The following LONRF2 variants were observed in gnomAD, a reference collection of about 807,000 sequenced individuals.
The protein encoded by LONRF2 is LON peptidase N-terminal domain and ring finger 2, also known as LON peptidase N-terminal domain and RING finger protein 2.
LONRF2 carries 35 observed loss-of-function variants against 66.6 expected under a neutral mutation model. That is an observed-to-expected ratio of 0.53 (90% confidence interval 0.40 to 0.70). LONRF2 has a LOEUF of 0.70. Among genes scored for constraint, LONRF2 ranks in the 30% least tolerant of loss-of-function variants. LONRF2 has a pLI of 0.00. For missense variants in LONRF2, 902 were observed against 1,002.1 expected, an observed-to-expected ratio of 0.90 and a Z score of 1.35; for synonymous variants, 417 against 418.1, an observed-to-expected ratio of 1.00 and a Z score of 0.03.
chr2:100,319,857 A>G (rs574610128), intron 1 of LONRF2, among the ~76,000 whole-genome samples: 27 of 152,314 alleles, frequency 1.8e-4, no homozygotes, highest in African/African-American at 6.5e-4. Context: ...ACCTCTTTGA[A>G]ACTATTTGGC....
In LONRF2 at chr2:100,294,254, T is replaced by C. The variant is rs1016636336; in HGVS notation, c.1732A>G (p.Met578Val). ...CMETGTKRFG[M>V]CLSAEHAGLS... Reference sequence around the variant, plus strand: ...CCCGCGTGCTCAGCAGATAAACACATGCCAAACCGCTTGGTGCCAGTTTCC... The same window carrying C: ...CCCGCGTGCTCAGCAGATAAACACACGCCAAACCGCTTGGTGCCAGTTTCC... Residue 578 changes from methionine (M) to valine (V), a missense_variant, in exon 9 of 12, where the codon ATG becomes GTG. By Grantham distance (21) the Met-to-Val change is conservative. Coordinates refer to ENST00000393437, the MANE Select transcript of LONRF2 (RefSeq NM_198461.4). 1 of 1,605,852 alleles carries C rather than the reference T, an allele frequency of 6.2e-7. No homozygotes were observed. Among genetic ancestry groups the C allele is most frequent in the Non-Finnish European group, 8.5e-7 (1 of 1,177,138 alleles).
intron 11 of LONRF2, among the ~76,000 whole-genome samples, chr2:100,285,049 C>G (rs972327928): frequency 2.0e-5 from 3 of 152,154 alleles, no homozygotes; most frequent in Non-Finnish European, 4.4e-5. Flanking sequence ...CATAATCAAA[C>G]AAAGCACTTC....
At chr2:100,321,371 C>T in intron 1 of LONRF2, 44 bp downstream of exon 1, 2 of 1,365,866 alleles carry the variant, frequency 1.5e-6, no homozygotes, top group Non-Finnish European at 1.9e-6. Context: ...GCTGCTGGGC[C>T]GGACAGGTGT....
At position 100,309,020 on chromosome 2, in the gene LONRF2, A is replaced by G. The variant is rs527901692; in HGVS notation, c.798+87T>C. The G allele has an allele frequency of 6.1e-5, 52 of 853,476 alleles. 1 individual carries two copies. In the African/African-American group the frequency reaches 8.5e-4, roughly 14 times the overall value. The allele number at this position is 853,476 out of a possible 1,614,324, so 52.9% of individuals were successfully genotyped here. A position where few individuals can be genotyped will look rare whatever the true frequency, so the allele number is the denominator to read the frequency against. ...AGGGAAACATACTTTGTCTATAGGT[A>G]CCTGATCACAATAATCTTACTTTTG... is the stretch of plus-strand genomic sequence containing the variant. On this transcript the variant is annotated intron_variant, in intron 2 of 11. Transcript: ENST00000393437.
At chr2:100,318,770 T>C (rs1171164305) in intron 1 of LONRF2, among the ~76,000 whole-genome samples, 1 of 147,092 alleles carries the variant, frequency 6.8e-6, no homozygotes, top group Non-Finnish European at 1.5e-5. Context: ...GAGGCAGAGG[T>C]TGCAGTGACC....
intron 7 of LONRF2, among the ~76,000 whole-genome samples, chr2:100,296,010 T>C (rs1384686111): frequency 6.6e-6 from 1 of 152,210 alleles, no homozygotes; most frequent in African/African-American, 2.4e-5. Context: ...TATGTTTTTT[T>C]CTAGCTTTGT....
intron 9 of LONRF2, among the ~76,000 whole-genome samples, chr2:100,293,456 T>C (rs950417154): frequency 6.6e-6 from 1 of 152,188 alleles, no homozygotes; most frequent in Non-Finnish European, 1.5e-5. Flanking sequence ...GGCAGCCCCC[T>C]TTCTCCAGAG....
Position 100,282,504 on chromosome 2 carries a change from G to A in LONRF2, c.*1794C>T, listed in dbSNP as rs1674760664. 6.6e-6 allele frequency: 1 copy of A among 152,238 alleles called. No individual in the cohort carries two copies. Among genetic ancestry groups the A allele is most frequent in the Admixed American group, 6.5e-5 (1 of 15,292 alleles). 9.4% of individuals were successfully genotyped at this position (152,238 alleles called of 1,614,324 possible). ...ACTTCTGGTAAAGGTCTTCTGGCATGTGAGATGCATTTTGTTTTCTTTATT... is the reference window on the plus strand; with the variant it reads ...ACTTCTGGTAAAGGTCTTCTGGCATATGAGATGCATTTTGTTTTCTTTATT... On this transcript the variant is annotated 3_prime_UTR_variant, in exon 12 of 12. Transcript: ENST00000393437.
At chr2:100,316,273 C>T (rs149091927) in intron 1 of LONRF2, among the ~76,000 whole-genome samples, 6,704 of 135,944 alleles carry the variant, frequency 0.049, 380 homozygotes, top group African/African-American at 0.15. Context: ...GTGCTGAGAT[C>T]GTGCCACTGC....
chr2:100,288,229 G>A (rs1291331274), intron 10 of LONRF2, among the ~76,000 whole-genome samples: 1 of 152,160 alleles, frequency 6.6e-6, no homozygotes, highest in Non-Finnish European at 1.5e-5. Context: ...CAGCCTGGGA[G>A]CTGGGCTCCC....
chr2:100,293,119 C>T (rs779402713), intron 9 of LONRF2, among the ~76,000 whole-genome samples: 4 of 152,154 alleles, frequency 2.6e-5, no homozygotes, highest in Non-Finnish European at 4.4e-5. Flanking sequence ...CTAAAATCAG[C>T]TTGAGCAAGT....
intron 2 of LONRF2, among the ~76,000 whole-genome samples, chr2:100,303,393 A>C (rs1675226336): frequency 6.6e-6 from 1 of 152,230 alleles, no homozygotes; most frequent in Non-Finnish European, 1.5e-5. Flanking sequence ...CCAGGAGTTT[A>C]CAGTCTCATG....
At chr2:100,300,562 G>A in intron 4 of LONRF2, 82 bp downstream of exon 4, 1 of 1,350,784 alleles carries the variant, frequency 7.4e-7, no homozygotes, top group Non-Finnish European at 1.0e-6. Flanking sequence ...CATAATGTGT[G>A]AATAATCTGT....
chr2:100,302,093 G>C (rs1037019326), intron 3 of LONRF2, among the ~76,000 whole-genome samples: 6 of 152,166 alleles, frequency 3.9e-5, no homozygotes, highest in African/African-American at 1.4e-4. Context: ...GTGAACACAA[G>C]TGAAGGTAAA....
rs2105706138 is a variant in LONRF2 at position 100,277,159 on chromosome 2, G to A, written c.*7139C>T. 2 of 152,316 alleles carry A rather than the reference G, an allele frequency of 1.3e-5. No homozygotes were observed. The highest frequency in any genetic ancestry group is 1.9e-4 in the East Asian group (1 of 5,184). 9.4% of individuals were successfully genotyped at this position (152,316 alleles called of 1,614,324 possible). On this transcript the variant is annotated 3_prime_UTR_variant, in exon 12 of 12. Coordinates refer to ENST00000393437, the MANE Select transcript of LONRF2 (RefSeq NM_198461.4). Reference sequence around the variant, plus strand: ...AACCTTAAAATCCATGGGCACTCCTGTTGGTGCCCTCAGAGACCCCTTCAT... The same window carrying A: ...AACCTTAAAATCCATGGGCACTCCTATTGGTGCCCTCAGAGACCCCTTCAT...
In LONRF2 at chr2:100,298,932, G is replaced by A. The variant is rs1477715075; in HGVS notation, c.1380C>T (p.Val460=). Residue 460 remains valine, a synonymous_variant, in exon 7 of 12, where the codon GTC becomes GTT. Transcript: ENST00000393437. ...ALCMRLLFEP[V]TTPCGHTFCL... ...AAAATGTGTGTCCACAGGGCGTAGTGACAGGTTCAAAGAGCAATCTGGAAG... is the reference window on the plus strand; with the variant it reads ...AAAATGTGTGTCCACAGGGCGTAGTAACAGGTTCAAAGAGCAATCTGGAAG... 6 of 1,613,690 alleles carry A rather than the reference G, an allele frequency of 3.7e-6. No individual in the cohort carries two copies. Among genetic ancestry groups the A allele is most frequent in the Admixed American group, 1.7e-5 (1 of 60,016 alleles).
Position 100,299,843 on chromosome 2 carries a change from C to T in LONRF2, c.1141G>A (p.Glu381Lys), listed in dbSNP as rs749945691. Reference sequence around the variant, plus strand: ...CTTTCTAACGCCTTTTTATCCTCTTCAAAGTGTAGACCCAGTATAAAATAC... The same window carrying T: ...CTTTCTAACGCCTTTTTATCCTCTTTAAAGTGTAGACCCAGTATAAAATAC... Reference protein sequence around the residue: ...VLYFILGLHFEEDKKALESIL... With the variant: ...VLYFILGLHFKEDKKALESIL... The change falls in exon 5 of 12, where the codon GAA becomes AAA. Residue 381 changes from glutamate (E) to lysine (K), a missense_variant. Glu to Lys is a moderately conservative substitution (Grantham distance 56). Around this residue, in one of 2 missense-constraint regions of LONRF2, gnomAD observed 585 missense variants for 569.9 expected, o/e 1.03. Transcript: ENST00000393437. 11 of 1,612,470 alleles carry T rather than the reference C, an allele frequency of 6.8e-6. No homozygotes were observed. The highest frequency in any genetic ancestry group is 4.5e-5 in the East Asian group (2 of 44,878).
At chr2:100,300,558 G>T in intron 4 of LONRF2, 86 bp downstream of exon 4, 2 of 1,303,982 alleles carry the variant, frequency 1.5e-6, no homozygotes, top group Non-Finnish European at 1.0e-6. Context: ...ATGCCATAAT[G>T]TGTGAATAAT....
chr2:100,297,140 T>C (rs368262269), intron 7 of LONRF2, among the ~76,000 whole-genome samples: 2 of 146,766 alleles, frequency 1.4e-5, no homozygotes, highest in Non-Finnish European at 3.0e-5. Flanking sequence ...TTTTTTTTTT[T>C]CTTTTTGAGA....
Sources: gnomAD v4.1 joint callset for allele counts (sites outside exome capture counted in the v4.1 genomes callset) on GRCh38, gnomAD v4.1.1 for gene constraint, gnomAD v4.1.1 regional missense constraint, MANE v1.5 for transcripts, NCBI Gene and HGNC (gene_info 2026-07-23, HGNC 2026-07-21) for gene names.